Variants in CAMSAP1 observed in about 807,000 individuals in gnomAD.
The protein encoded by CAMSAP1 is calmodulin regulated spectrin associated protein 1.
CAMSAP1 carries 58 observed loss-of-function variants against 143.5 expected under a neutral mutation model. The ratio of observed to expected loss-of-function variants is 0.40; its 90% CI spans 0.33 to 0.50. CAMSAP1 has a LOEUF of 0.50. Ranked by LOEUF, CAMSAP1 falls within the 20% of genes least tolerant of loss-of-function variation. The pLI, the probability that CAMSAP1 is intolerant of heterozygous loss-of-function variation, is 0.45. For missense variants in CAMSAP1, 1,969 were observed against 2,115.7 expected, an observed-to-expected ratio of 0.93 and a Z score of 1.36; for synonymous variants, 945 against 859.3, an observed-to-expected ratio of 1.10 and a Z score of -1.74.
chr9:135,898,651 T>C (rs1838526145), intron 1 of CAMSAP1, among the ~76,000 whole-genome samples: 1 of 152,140 alleles, frequency 6.6e-6, no homozygotes, highest in Non-Finnish European at 1.5e-5. Context: ...GGGAAATGCA[T>C]ACAAAAACCA....
chr9:135,809,509 CT>C lies in CAMSAP1; in HGVS notation c.*1799del, dbSNP rs1268059947. ...CATGGTAAAGAACAATGTGAAACTC[CT>C]ATAAAGCAAGGAGTTGGTGTCGCCT... On this transcript the variant is annotated 3_prime_UTR_variant, in exon 17 of 17. Coordinates refer to ENST00000389532, the MANE Select transcript of CAMSAP1 (RefSeq NM_015447.4). The C allele has an allele frequency of 6.6e-6, 1 of 152,454 alleles. No homozygotes were observed. Among genetic ancestry groups the C allele is most frequent in the Non-Finnish European group, 1.5e-5 (1 of 68,044 alleles). The allele number at this position is 152,454 out of a possible 1,614,324, so 9.4% of individuals were successfully genotyped here.
Position 135,906,534 on chromosome 9 carries a change from T to C in CAMSAP1, c.160+466A>G, listed in dbSNP as rs76909134. The stretch of plus-strand genomic sequence containing the variant: ...AATGCGCGGAATACGCAATTTCTAG[T>C]TGGGGAATTCAACAGCTGACAGCTT... On this transcript the variant is annotated intron_variant, in intron 1 of 16. Coordinates refer to ENST00000389532, the MANE Select transcript of CAMSAP1 (RefSeq NM_015447.4). Among the ~76,000 whole-genome samples, 929 of 152,308 alleles carry C rather than the reference T, an allele frequency of 6.1e-3. 8 individuals carry two copies. The highest frequency in any genetic ancestry group is 0.01 in the Non-Finnish European group (700 of 68,018).
chr9:135,881,521 C>A, intron 3 of CAMSAP1, 112 bp downstream of exon 3: 2 of 1,235,982 alleles, frequency 1.6e-6, no homozygotes, highest in South Asian at 1.5e-5. Context: ...TATGACTGGT[C>A]CCAAATGAAG....
chr9:135,906,416 G>A (rs1838778575), intron 1 of CAMSAP1, among the ~76,000 whole-genome samples: 1 of 152,214 alleles, frequency 6.6e-6, no homozygotes, highest in South Asian at 2.1e-4. Flanking sequence ...AATCCACTAA[G>A]CACATTAGGG....
chr9:135,873,536 A>G (rs1480555430), intron 3 of CAMSAP1, among the ~76,000 whole-genome samples: 1 of 152,186 alleles, frequency 6.6e-6, no homozygotes, highest in East Asian at 1.9e-4. Context: ...GATAAATCGG[A>G]CTAATCAAGG....
At chr9:135,838,145 A>G (rs1165847077) in intron 7 of CAMSAP1, among the ~76,000 whole-genome samples, 1 of 146,094 alleles carries the variant, frequency 6.8e-6, no homozygotes, top group Non-Finnish European at 1.5e-5. Flanking sequence ...TACCCGTTCT[A>G]CAGACACACG....
intron 5 of CAMSAP1, among the ~76,000 whole-genome samples, chr9:135,850,993 G>C (rs1836760357): frequency 6.6e-6 from 1 of 152,226 alleles, no homozygotes; most frequent in African/African-American, 2.4e-5. Flanking sequence ...TGAAGAGGTG[G>C]AGACTGGTGG....
intron 5 of CAMSAP1, among the ~76,000 whole-genome samples, chr9:135,851,137 TG>T (rs1006250157): frequency 6.6e-5 from 10 of 152,044 alleles, no homozygotes; most frequent in African/African-American, 2.4e-4. Context: ...TGGTGTGGAG[TG>T]GGGGGTGGCC....
chr9:135,836,587 C>G, intron 7 of CAMSAP1: 2 of 984,496 alleles, frequency 2.0e-6, no homozygotes, highest in Non-Finnish European at 2.4e-6. Context: ...ACACTTTCTA[C>G]CCATTCTGCA....
intron 3 of CAMSAP1, among the ~76,000 whole-genome samples, chr9:135,879,424 G>A (rs1317447144): frequency 1.3e-5 from 2 of 152,080 alleles, no homozygotes; most frequent in African/African-American, 2.4e-5. Flanking sequence ...TACGGGCAAA[G>A]ATAACAAACA....
At chr9:135,841,590 T>G (rs1836355716) in intron 7 of CAMSAP1, among the ~76,000 whole-genome samples, 1 of 152,160 alleles carries the variant, frequency 6.6e-6, no homozygotes, top group African/African-American at 2.4e-5. Flanking sequence ...AGACACCTCA[T>G]ACAGGAGAGC....
In CAMSAP1 at chr9:135,811,022, G is replaced by T; in HGVS notation, c.*287C>A. On this transcript the variant is annotated 3_prime_UTR_variant, in exon 17 of 17. Coordinates refer to ENST00000389532, the MANE Select transcript of CAMSAP1 (RefSeq NM_015447.4). This position sits in a 1 kb window ranked among gnomAD's most constrained non-coding sequence, Gnocchi z 4.9. ...ACCTGGCTGTGAACACCCTCCGCTG[G>T]GAGCCTCAGTGGTCAGCAGTGGCCA... is the stretch of plus-strand genomic sequence containing the variant. 2.3e-6 allele frequency: 1 copy of T among 430,284 alleles called. No homozygotes were observed. Among genetic ancestry groups the T allele is most frequent in the Admixed American group, 4.0e-5 (1 of 25,268 alleles). The allele number at this position is 430,284 out of a possible 1,614,324, so 26.7% of individuals were successfully genotyped here. A position where few individuals can be genotyped will look rare whatever the true frequency, so the allele number is the denominator to read the frequency against.
intron 3 of CAMSAP1, among the ~76,000 whole-genome samples, chr9:135,878,202 G>A (rs1055256565): frequency 2.1e-4 from 32 of 152,198 alleles, no homozygotes; most frequent in Non-Finnish European, 4.4e-5. Flanking sequence ...GGAGACGGGT[G>A]AGCGGCCTGG....
chr9:135,818,981 T>G lies in CAMSAP1; in HGVS notation c.3959+29A>C, dbSNP rs1265545480. 1 of 1,600,212 alleles carries G rather than the reference T, an allele frequency of 6.2e-7. No homozygotes were observed. The highest frequency in any genetic ancestry group is 1.7e-5 in the Admixed American group (1 of 59,568). ...AGGGACCCACCAGGCTCCTGCTCAG[T>G]CTGCTTTCCCCCCCGGCGGGACGCT... is the stretch of plus-strand genomic sequence containing the variant. On this transcript the variant is annotated intron_variant, in intron 12 of 16. Coordinates refer to ENST00000389532, the MANE Select transcript of CAMSAP1 (RefSeq NM_015447.4). This position sits in a 1 kb window ranked among gnomAD's most constrained non-coding sequence, Gnocchi z 7.7.
intron 7 of CAMSAP1, among the ~76,000 whole-genome samples, chr9:135,845,213 T>C (rs1291969811): frequency 6.6e-6 from 1 of 152,180 alleles, no homozygotes; most frequent in Admixed American, 6.5e-5. Context: ...TGGTTCAACA[T>C]ATGCAAATCA....
chr9:135,875,911 C>G (rs931201632), intron 3 of CAMSAP1, among the ~76,000 whole-genome samples: 2 of 152,092 alleles, frequency 1.3e-5, no homozygotes, highest in African/African-American at 4.8e-5. Flanking sequence ...AAAGGACAAA[C>G]CATAAAAGGA....
At chr9:135,867,400 C>T (rs908154505) in intron 3 of CAMSAP1, among the ~76,000 whole-genome samples, 2 of 151,808 alleles carry the variant, frequency 1.3e-5, no homozygotes, top group African/African-American at 4.8e-5. Flanking sequence ...ATCCCAGCCA[C>T]TTGGAAGGCT....
chr9:135,839,598 C>A (rs1201329999), intron 7 of CAMSAP1, among the ~76,000 whole-genome samples: 12 of 152,202 alleles, frequency 7.9e-5, no homozygotes, highest in Admixed American at 7.9e-4. Context: ...CTGATGTGCA[C>A]AGGGTACTGT....
At chr9:135,891,891 A>G (rs948024012) in intron 1 of CAMSAP1, among the ~76,000 whole-genome samples, 5 of 152,370 alleles carry the variant, frequency 3.3e-5, no homozygotes, top group Admixed American at 6.5e-5. Context: ...AAAAAGTACA[A>G]TGGCAACATA....
Sources: gnomAD v4.1 joint callset for allele counts (sites outside exome capture counted in the v4.1 genomes callset) on GRCh38, gnomAD v4.1.1 for gene constraint, Gnocchi (gnomAD v3.1) non-coding constraint, MANE v1.5 for transcripts, NCBI Gene and HGNC (gene_info 2026-07-23, HGNC 2026-07-21) for gene names.